The following CNTN5 variants were observed in gnomAD, a reference collection of about 807,000 sequenced individuals.
The protein encoded by CNTN5 is contactin-5.
In CNTN5, 77 loss-of-function variants were observed where a neutral mutation model predicts 129.1. The ratio of observed to expected loss-of-function variants is 0.60; its 90% CI spans 0.50 to 0.72. The LOEUF (loss-of-function observed/expected upper bound fraction) is 0.72. Ranked by LOEUF, CNTN5 falls within the 30% of genes least tolerant of loss-of-function variation. The pLI is 0.00. For synonymous variants in CNTN5, 509 were observed against 465.6 expected (o/e 1.09, Z -1.20); for missense variants, 1,478 against 1,328.8 (o/e 1.11, Z -1.75).
intron 1 of CNTN5, among the ~76,000 whole-genome samples, chr11:99,082,113 A>G (rs1591161027): frequency 6.6e-6 from 1 of 152,032 alleles, no homozygotes; most frequent in East Asian, 1.9e-4. Context: ...ACTCCTACAT[A>G]CAGAATCACC....
At chr11:99,393,617 A>G (rs766422817) in intron 2 of CNTN5, among the ~76,000 whole-genome samples, 2 of 151,654 alleles carry the variant, frequency 1.3e-5, no homozygotes, top group Non-Finnish European at 3.0e-5. Flanking sequence ...GCTTTTCTCT[A>G]CTGATTGTCC....
At chr11:99,433,502 C>A (rs1943483663) in intron 2 of CNTN5, among the ~76,000 whole-genome samples, 1 of 151,594 alleles carries the variant, frequency 6.6e-6, no homozygotes, top group South Asian at 2.1e-4. Context: ...GTTCACATTT[C>A]TAGTAAGGTG....
At chr11:99,492,288 T>C (rs1946066603) in intron 2 of CNTN5, among the ~76,000 whole-genome samples, 1 of 152,170 alleles carries the variant, frequency 6.6e-6, no homozygotes, top group African/African-American at 2.4e-5. Context: ...AACAAAGATC[T>C]ACATATTTTG....
intron 3 of CNTN5, among the ~76,000 whole-genome samples, chr11:99,578,010 G>T (rs1436492920): frequency 7.4e-6 from 1 of 134,780 alleles, no homozygotes; most frequent in African/African-American, 2.9e-5. Flanking sequence ...CCTGGTGTGT[G>T]ATGTTCCCCT....
chr11:99,750,984 A>C (rs1223144387), intron 3 of CNTN5, among the ~76,000 whole-genome samples: 1 of 152,200 alleles, frequency 6.6e-6, no homozygotes, highest in Non-Finnish European at 1.5e-5. Flanking sequence ...CAATTAATTA[A>C]CCAACTGAAG....
intron 6 of CNTN5, among the ~76,000 whole-genome samples, chr11:99,914,212 G>A (rs559433432): frequency 1.3e-5 from 2 of 152,150 alleles, no homozygotes; most frequent in Non-Finnish European, 2.9e-5. Context: ...CTCCAGCCTG[G>A]GCAACAGAGG....
chr11:99,295,819 T>C (rs1026679906), intron 1 of CNTN5, among the ~76,000 whole-genome samples: 18 of 138,226 alleles, frequency 1.3e-4, no homozygotes, highest in Non-Finnish European at 2.4e-4. Context: ...GAGCTTGCAG[T>C]GAGCCGAGAT....
At chr11:99,392,361 C>T (rs1288715443) in intron 2 of CNTN5, among the ~76,000 whole-genome samples, 1 of 151,766 alleles carries the variant, frequency 6.6e-6, no homozygotes, top group African/African-American at 2.4e-5. Flanking sequence ...TCTCCTGTCT[C>T]CTATTTAGGT....
chr11:99,753,999 AT>A (rs76111214), intron 3 of CNTN5, among the ~76,000 whole-genome samples: 18,858 of 134,558 alleles, frequency 0.14, 1,832 homozygotes, highest in East Asian at 0.57. Flanking sequence ...AAAAAAAAAA[AT>A]AAATAACAAC....
intron 1 of CNTN5, among the ~76,000 whole-genome samples, chr11:99,067,500 A>G (rs2135235259): frequency 6.6e-6 from 1 of 152,056 alleles, no homozygotes; most frequent in Non-Finnish European, 1.5e-5. Context: ...CATCTTTGTC[A>G]TTGAAATGCA....
intron 6 of CNTN5, among the ~76,000 whole-genome samples, chr11:99,846,379 AAG>A (rs1947699564): frequency 1.3e-5 from 2 of 150,846 alleles, no homozygotes; most frequent in Non-Finnish European, 3.0e-5. Context: ...AAAAAAAAAA[AAG>A]AAGTGTGTAT....
intron 13 of CNTN5, among the ~76,000 whole-genome samples, chr11:100,178,101 C>T (rs1356024908): frequency 3.3e-5 from 5 of 152,080 alleles, no homozygotes; most frequent in Non-Finnish European, 7.4e-5. Flanking sequence ...TATCAATGCA[C>T]TGTAGCAAAA....
At chr11:100,094,863 TGAGGA>T (rs1381508193) in intron 13 of CNTN5, among the ~76,000 whole-genome samples, 1 of 152,080 alleles carries the variant, frequency 6.6e-6, no homozygotes, top group African/African-American at 2.4e-5. Context: ...TATGCTTGTT[TGAGGA>T]AAGGTAACAC....
intron 3 of CNTN5, among the ~76,000 whole-genome samples, chr11:99,628,541 G>T (rs1481114185): frequency 6.6e-6 from 1 of 150,858 alleles, no homozygotes; most frequent in Admixed American, 6.6e-5. Flanking sequence ...CAACCAAAAC[G>T]TGTATAAAAA....
chr11:99,424,605 A>G (rs1386217624), intron 2 of CNTN5, among the ~76,000 whole-genome samples: 2 of 152,244 alleles, frequency 1.3e-5, no homozygotes, highest in Non-Finnish European at 2.9e-5. Flanking sequence ...AGTGGCATGC[A>G]CTGTGAGCAC....
chr11:99,452,631 C>T (rs1175276925), intron 2 of CNTN5, among the ~76,000 whole-genome samples: 4 of 151,972 alleles, frequency 2.6e-5, no homozygotes, highest in African/African-American at 9.7e-5. Context: ...CCTTGGCCTC[C>T]CAAAGTGCTG....
intron 16 of CNTN5, among the ~76,000 whole-genome samples, chr11:100,255,199 G>T (rs1950041561): frequency 6.6e-6 from 1 of 152,132 alleles, no homozygotes; most frequent in Non-Finnish European, 1.5e-5. Context: ...TCTCAGGTCT[G>T]GCATATGTCC....
At chr11:99,415,569 T>G (rs192349404) in intron 2 of CNTN5, among the ~76,000 whole-genome samples, 17 of 152,284 alleles carry the variant, frequency 1.1e-4, no homozygotes, top group Admixed American at 1.1e-3. Context: ...TGGCTGTCTT[T>G]GACGAAAGGG....
intron 15 of CNTN5, among the ~76,000 whole-genome samples, chr11:100,214,400 G>A (rs1304983562): frequency 6.6e-6 from 1 of 152,142 alleles, no homozygotes; most frequent in East Asian, 1.9e-4. Context: ...TGAAAAATGA[G>A]TAATTCTGTC....
Sources: allele counts gnomAD v4.1 joint callset (sites outside exome capture counted in the v4.1 genomes callset), GRCh38; gene constraint gnomAD v4.1.1; transcripts MANE v1.5; gene names NCBI Gene and HGNC (gene_info 2026-07-23, HGNC 2026-07-21).